The following POFUT2 variants were observed in gnomAD, a reference collection of about 807,000 sequenced individuals.
POFUT2 encodes the protein protein O-fucosyltransferase 2.
A neutral mutation model predicts 55.0 loss-of-function variants in POFUT2; 30 were observed. The ratio of observed to expected loss-of-function variants is 0.55; its 90% CI spans 0.41 to 0.74. The LOEUF is 0.74. Ranked by LOEUF, POFUT2 falls within the 30% of genes least tolerant of loss-of-function variation. The probability of loss-of-function intolerance (pLI) is 0.00; values close to 1 mark genes in which losing one functional copy is unlikely to be tolerated. For synonymous variants in POFUT2, 267 were observed against 231.1 expected, an observed-to-expected ratio of 1.16 and a Z score of -1.41; for missense variants, 524 against 562.6, an observed-to-expected ratio of 0.93 and a Z score of 0.69.
chr21:45,283,288 T>C (rs1309660884), intron 3 of POFUT2, 95 bp downstream of exon 3: 3 of 397,440 alleles, frequency 7.5e-6, no homozygotes, highest in African/African-American at 5.6e-5. Flanking sequence ...TGGGGAGGAG[T>C]GGGCGGGGGG....
chr21:45,267,199 C>T lies in POFUT2; in HGVS notation c.1136+391G>A, dbSNP rs1219728867. The T allele has an allele frequency of 9.4e-6, 13 of 1,376,672 alleles. No homozygotes were observed. Among genetic ancestry groups the T allele is most frequent in the East Asian group, 2.8e-5 (1 of 35,232 alleles). The allele number at this position is 1,376,672 out of a possible 1,614,324, so 85.3% of individuals were successfully genotyped here. On this transcript the variant is annotated intron_variant, in intron 8 of 8. Transcript: ENST00000349485. The surrounding 1 kb of genome is among the most constrained non-coding windows in gnomAD (Gnocchi z 4.4). ...GGGCCCACGCTCCCGGCCTCGGGGA[C>T]GCTCACGGATGCTCAACAACACAGC...
intron 6 of POFUT2, among the ~76,000 whole-genome samples, chr21:45,276,163 T>G (rs1379829624): frequency 6.6e-6 from 1 of 151,800 alleles, no homozygotes; most frequent in African/African-American, 2.4e-5. Context: ...CACTCCGGCC[T>G]GGGCGACAGA....
In POFUT2 at chr21:45,287,802, G is replaced by GGCCGGAGGCAGAA; in HGVS notation, c.57_69dup (p.Gln24PhefsTer30). ...GCCGATTGTCCGGGCCAGAACTCCT[G>GGCCGGAGGCAGAA]GCCGGAGGCAGAAGCCGGAGGCCAG... On this transcript the variant is annotated frameshift_variant, in exon 1 of 9. Transcript: ENST00000349485. LOFTEE classifies it high-confidence loss of function. The GGCCGGAGGCAGAA allele has an allele frequency of 1.3e-6, 2 of 1,514,440 alleles. No individual in the cohort carries two copies. The highest frequency in any genetic ancestry group is 1.8e-6 in the Non-Finnish European group (2 of 1,127,820). 93.8% of individuals were successfully genotyped at this position (1,514,440 alleles called of 1,614,324 possible).
At chr21:45,266,224 T>C in intron 8 of POFUT2, 1 of 1,367,580 alleles carries the variant, frequency 7.3e-7, no homozygotes, top group African/African-American at 1.5e-5. Context: ...CGGCACTTCA[T>C]GAACTTCGTG....
chr21:45,287,672 C>T, intron 1 of POFUT2, 69 bp downstream of exon 1: 3 of 1,117,250 alleles, frequency 2.7e-6, no homozygotes, highest in Non-Finnish European at 3.5e-6. Flanking sequence ...CCCCGCCCCG[C>T]CCCCATCCCA....
rs2093205507 is a variant in POFUT2, at chr21:45,270,075, C to T, written c.832-56G>A. 2 of 1,418,604 alleles carry T rather than the reference C, an allele frequency of 1.4e-6. No individual in the cohort carries two copies. Among genetic ancestry groups the T allele is most frequent in the Non-Finnish European group, 1.9e-6 (2 of 1,071,346 alleles). The allele number at this position is 1,418,604 out of a possible 1,614,324, so 87.9% of individuals were successfully genotyped here. The stretch of plus-strand genomic sequence containing the variant: ...CTGACAGGCGGGCTCGGGGCTCATC[C>T]TGGGCACCGGGTGGGACTCGAGACG... On this transcript the variant is annotated intron_variant, in intron 6 of 8. Transcript: ENST00000349485. This position sits in a 1 kb window ranked among gnomAD's most constrained non-coding sequence, Gnocchi z 4.6.
chr21:45,286,353 C>T (rs1020413188), intron 1 of POFUT2, among the ~76,000 whole-genome samples: 3 of 152,154 alleles, frequency 2.0e-5, no homozygotes, highest in African/African-American at 7.2e-5. Context: ...GAAGCCATTA[C>T]ATGTTAACAA....
At chr21:45,266,223 A>G in intron 8 of POFUT2, 2 of 1,367,590 alleles carry the variant, frequency 1.5e-6, no homozygotes, top group South Asian at 2.3e-5. Context: ...GCGGCACTTC[A>G]TGAACTTCGT....
At position 45,278,117 on chromosome 21, in the gene POFUT2, TC is replaced by T; in HGVS notation, c.690del (p.Glu232AsnfsTer43). 6.2e-7 allele frequency: 1 copy of T among 1,613,638 alleles called. No homozygotes were observed. The part of the protein sequence containing the change: ...AENLLHDHYG[G>X]KEYWDTRRSM... ...GAAACACTCACATCCCAGTATTCTTTCCCTCCATAGTGGTCGTGAAGTAGGT... is the reference window on the plus strand; with the variant it reads ...GAAACACTCACATCCCAGTATTCTTTCCTCCATAGTGGTCGTGAAGTAGGT... On this transcript the variant is annotated frameshift_variant, in exon 5 of 9. Transcript: ENST00000349485. LOFTEE classifies it high-confidence loss of function.
chr21:45,266,138 A>C (rs1300224631), intron 8 of POFUT2: 4 of 1,364,642 alleles, frequency 2.9e-6, no homozygotes, highest in Non-Finnish European at 3.9e-6. Flanking sequence ...ACCCTTCTCC[A>C]GGGGTTTCTC....
At chr21:45,283,315 G>GA in intron 3 of POFUT2, 68 bp downstream of exon 3, 3 of 804,494 alleles carry the variant, frequency 3.7e-6, no homozygotes. Flanking sequence ...AGGCGGGGGG[G>GA]GGGGGACGCA....
At chr21:45,283,230 CG>C (rs2030920708) in intron 3 of POFUT2, 152 bp downstream of exon 3, 2 of 398,590 alleles carry the variant, frequency 5.0e-6, no homozygotes, top group Admixed American at 4.4e-5. Context: ...GACACCGTGG[CG>C]GGGGGAGGCG....
chr21:45,269,899 T>C lies in POFUT2; in HGVS notation c.952A>G (p.Ser318Gly). The C allele has an allele frequency of 6.2e-7, 1 of 1,611,194 alleles. No individual in the cohort carries two copies. Among genetic ancestry groups the C allele is most frequent in the South Asian group, 1.1e-5 (1 of 90,438 alleles). ...TCCAGCCGGTGGGTCTTCATGAGGC[T>C]GCGGATCTTCCTCACGGCCCCTTCC... is the stretch of plus-strand genomic sequence containing the variant. ...SLEGAVRKIRSLMKTHRLDKV... is the reference protein window; with the variant it reads ...SLEGAVRKIRGLMKTHRLDKV... Residue 318 changes from serine to glycine, a missense_variant, in exon 7 of 9, where the codon AGC (serine) becomes GGC (glycine). Physicochemically the swap from Ser to Gly is moderately conservative, Grantham distance 56. Coordinates refer to ENST00000349485, the MANE Select transcript of POFUT2 (RefSeq NM_133635.6).
chr21:45,267,187 C>T lies in POFUT2; in HGVS notation c.1136+403G>A, dbSNP rs1039906453. ...ATGATCACACGAGGGCCCACGCTCC[C>T]GGCCTCGGGGACGCTCACGGATGCT... On this transcript the variant is annotated intron_variant, in intron 8 of 8. Transcript: ENST00000349485. The surrounding 1 kb of genome is among the most constrained non-coding windows in gnomAD (Gnocchi z 4.4). The T allele has an allele frequency of 6.7e-6, 9 of 1,352,940 alleles. No individual in the cohort carries two copies. Among genetic ancestry groups the T allele is most frequent in the African/African-American group, 4.4e-5 (3 of 67,912 alleles). 83.8% of individuals were successfully genotyped at this position (1,352,940 alleles called of 1,614,324 possible). A position where few individuals can be genotyped will look rare whatever the true frequency, so the allele number is the denominator to read the frequency against.
At chr21:45,268,273 G>C (rs140770168) in intron 7 of POFUT2, among the ~76,000 whole-genome samples, 6 of 152,242 alleles carry the variant, frequency 3.9e-5, no homozygotes, top group Admixed American at 2.6e-4. Context: ...ACGGAGTCTC[G>C]TTCACTCAGT....
At position 45,284,956 on chromosome 21, in the gene POFUT2, G is replaced by A. The variant is rs2031205397; in HGVS notation, c.382+722C>T. Among the ~76,000 whole-genome samples the A allele has an allele frequency of 2.0e-5, 3 of 152,164 alleles. No individual in the cohort carries two copies. The South Asian group carries it at 6.2e-4, about 31-fold the overall frequency. ...ATTTCAGAGTGACAAGATCTAGGGT[G>A]CAACGAGAACCACATCCTTGAAAAA... is the stretch of plus-strand genomic sequence containing the variant. On this transcript the variant is annotated intron_variant, in intron 2 of 8. Coordinates refer to ENST00000349485, the MANE Select transcript of POFUT2 (RefSeq NM_133635.6). This position sits in a 1 kb window ranked among gnomAD's most constrained non-coding sequence, Gnocchi z 5.8.
intron 8 of POFUT2, chr21:45,266,080 G>A (rs1602142637): frequency 1.6e-5 from 21 of 1,293,274 alleles, no homozygotes; most frequent in Middle Eastern, 2.3e-4. Flanking sequence ...TAGACATCAC[G>A]GAGGTCAAGG....
Position 45,267,223 on chromosome 21 carries a change from G to A in POFUT2, c.1136+367C>T. ...ACGCTCACGGATGCTCAACAACACA[G>A]CAACAAGGACATGCCCAAGTCCAGG... On this transcript the variant is annotated intron_variant, in intron 8 of 8. Transcript: ENST00000349485. The surrounding 1 kb of genome is among the most constrained non-coding windows in gnomAD (Gnocchi z 4.4). 7.1e-7 allele frequency: 1 copy of A among 1,414,622 alleles called. No homozygotes were observed. The highest frequency in any genetic ancestry group is 9.2e-7 in the Non-Finnish European group (1 of 1,087,912). 87.6% of individuals were successfully genotyped at this position (1,414,622 alleles called of 1,614,324 possible).
rs1182194092 is a variant in POFUT2, at chr21:45,282,206, A to G, written c.638+143T>C. On this transcript the variant is annotated intron_variant, in intron 4 of 8. Transcript: ENST00000349485. The surrounding 1 kb of genome is among the most constrained non-coding windows in gnomAD (Gnocchi z 4.6). ...ACATGCAAGCACTTCCCTAACCACC[A>G]CCCCCCAGGGCCCCCAGGGTCCGCT... is the stretch of plus-strand genomic sequence containing the variant. The G allele has an allele frequency of 9.5e-6, 6 of 631,392 alleles. No homozygotes were observed. Among genetic ancestry groups the G allele is most frequent in the Non-Finnish European group, 1.7e-5 (6 of 359,224 alleles). The allele number at this position is 631,392 out of a possible 1,614,324, so 39.1% of individuals were successfully genotyped here.
Sources: gnomAD v4.1 joint callset for allele counts (sites outside exome capture counted in the v4.1 genomes callset) on GRCh38, gnomAD v4.1.1 for gene constraint, Gnocchi (gnomAD v3.1) non-coding constraint, MANE v1.5 for transcripts, NCBI Gene and HGNC (gene_info 2026-07-23, HGNC 2026-07-21) for gene names.